Variants in SBF1 observed in about 807,000 individuals in gnomAD.
SBF1 encodes SET binding factor 1.
A neutral mutation model predicts 215.8 loss-of-function variants in SBF1; 65 were observed. That is an observed-to-expected ratio of 0.30 (90% confidence interval 0.25 to 0.37). SBF1 has a LOEUF of 0.37. SBF1 is among the 10% of genes least tolerant of loss of function. The probability of loss-of-function intolerance (pLI) is 1.00; values close to 1 mark genes in which losing one functional copy is unlikely to be tolerated. For missense variants in SBF1, 2,634 were observed against 2,667.8 expected, an observed-to-expected ratio of 0.99 and a Z score of 0.28; for synonymous variants, 1,410 against 1,122.8, an observed-to-expected ratio of 1.26 and a Z score of -5.11.
At chr22:50,453,061 T>C (rs1428594191) in intron 36 of SBF1, among the ~76,000 whole-genome samples, 2 of 151,902 alleles carry the variant, frequency 1.3e-5, no homozygotes, top group Non-Finnish European at 2.9e-5. Flanking sequence ...GCCACATCAA[T>C]AGTAACAGTA....
intron 36 of SBF1, among the ~76,000 whole-genome samples, chr22:50,451,832 T>C (rs527865045): frequency 6.6e-6 from 1 of 150,922 alleles, no homozygotes; most frequent in South Asian, 2.1e-4. Context: ...GTCTCACTCA[T>C]GTCGCCCAGG....
chr22:50,460,263 C>T lies in SBF1; in HGVS notation c.3283+9G>A, dbSNP rs758044883. On this transcript the variant is annotated intron_variant, in intron 25 of 40. Coordinates refer to ENST00000380817, the MANE Select transcript of SBF1 (RefSeq NM_002972.4). ...GAGACCACCCAGGACTCCACCCCCA[C>T]CCCTCCACCTGAGATCTCGTCCTCC... The T allele has an allele frequency of 5.6e-6, 9 of 1,601,522 alleles. No homozygotes were observed. The highest frequency in any genetic ancestry group is 6.8e-6 in the Non-Finnish European group (8 of 1,171,752).
At chr22:50,461,095 G>C (rs569772665) in intron 23 of SBF1, 64 bp downstream of exon 23, 1 of 1,527,924 alleles carries the variant, frequency 6.5e-7, no homozygotes, top group Non-Finnish European at 8.8e-7. Context: ...ATACAAGAAA[G>C]ACCGGTTTGC....
rs775736052 is a variant in SBF1, at chr22:50,456,571, T to C, written c.4007A>G (p.Asn1336Ser). The C allele has an allele frequency of 1.4e-4, 224 of 1,570,754 alleles. No homozygotes were observed. The highest frequency in any genetic ancestry group is 1.9e-4 in the Non-Finnish European group (218 of 1,159,722). The stretch of plus-strand genomic sequence containing the variant: ...GAAGCCCGGGTCGGGAGGGCCCCCG[T>C]TGGCCTGGGGTGGGGCCAGCGCGTC... ...GRDALAPPQANGGPPDPGFLR... is the reference protein window; with the variant it reads ...GRDALAPPQASGGPPDPGFLR... The change falls in exon 30 of 41, where the codon AAC (asparagine) becomes AGC (serine). Residue 1336 changes from asparagine (N) to serine (S), a missense_variant. Physicochemically the swap from Asn to Ser is conservative, Grantham distance 46. Coordinates refer to ENST00000380817, the MANE Select transcript of SBF1 (RefSeq NM_002972.4).
chr22:50,472,957 C>T (rs1039307867), intron 1 of SBF1, among the ~76,000 whole-genome samples: 6 of 152,214 alleles, frequency 3.9e-5, no homozygotes, highest in Non-Finnish European at 7.4e-5. Flanking sequence ...ATCACTCCTT[C>T]CGGTCACTTA....
chr22:50,452,830 A>ACTGC (rs1425969476), intron 36 of SBF1, among the ~76,000 whole-genome samples: 1 of 151,886 alleles, frequency 6.6e-6, no homozygotes, highest in Non-Finnish European at 1.5e-5. Flanking sequence ...ATGGACACAC[A>ACTGC]CTGCCGTAAG....
rs769707836 is a variant in SBF1 at position 50,461,542 on chromosome 22, C to G, written c.2820G>C (p.Gly940=). 1.2e-6 allele frequency: 2 copies of G among 1,603,100 alleles called. No homozygotes were observed. The highest frequency in any genetic ancestry group is 1.7e-6 in the Non-Finnish European group (2 of 1,172,714). Residue 940 remains glycine (G), a synonymous_variant, in exon 22 of 41, where the codon GGG becomes GGC. Transcript: ENST00000380817. ...FLTTYRVIFT[G]MPTDPLVGEQ... ...GCTCACCCAGGGGGTCCGTGGGCAT[C>G]CCCGTGAAGATGACCCGGTACGTGG...
intron 36 of SBF1, among the ~76,000 whole-genome samples, chr22:50,449,623 CAA>C (rs1491579812): frequency 0.033 from 3,428 of 102,444 alleles, 59 homozygotes; most frequent in Middle Eastern, 0.052. Context: ...TCAAAACACA[CAA>C]ACACACACAC....
chr22:50,466,614 G>C lies in SBF1; in HGVS notation c.646C>G (p.Arg216Gly). 6.4e-7 allele frequency: 1 copy of C among 1,551,124 alleles called. No individual in the cohort carries two copies. The highest frequency in any genetic ancestry group is 8.7e-7 in the Non-Finnish European group (1 of 1,146,622). Residue 216 changes from arginine to glycine, a missense_variant, in exon 6 of 41, where the codon CGC (arginine) becomes GGC (glycine). Transcript: ENST00000380817. The stretch of plus-strand genomic sequence containing the variant: ...GGACAGACAGGCTCACCTAGCTGGC[G>C]GAAGAGCAGGGCCACGCTGCAGCGG... ...VSRCSVALLFRQLGITNVLSL... is the reference protein window; with the variant it reads ...VSRCSVALLFGQLGITNVLSL...
Position 50,448,354 on chromosome 22 carries a change from G to A in SBF1, c.5242C>T (p.Leu1748=). The change falls in exon 38 of 41, where the codon CTG becomes TTG. Residue 1748 remains leucine, a synonymous_variant. Coordinates refer to ENST00000380817, the MANE Select transcript of SBF1 (RefSeq NM_002972.4). ...TGGTCGCTGTCCAGGCTGAGGCTCA[G>A]GGTGGAGCCCACGGGCCCCTCCTGC... ...YLQEGPVGST[L]SLSLDSDQSS... 1.9e-6 allele frequency: 3 copies of A among 1,613,904 alleles called. No individual in the cohort carries two copies. The highest frequency in any genetic ancestry group is 8.5e-7 in the Non-Finnish European group (1 of 1,180,046).
rs1437375132 is a variant in SBF1, at chr22:50,457,024, G to A, written c.3904+10C>T. ...AGGGGAGGCGGGCCTGCGCAGGCTC[G>A]GTACGGTACCTCGGGGTGCGGTCCG... On this transcript the variant is annotated intron_variant, in intron 29 of 40. Transcript: ENST00000380817. The A allele has an allele frequency of 1.1e-5, 16 of 1,422,868 alleles. No homozygotes were observed. The highest frequency in any genetic ancestry group is 1.8e-4 in the Middle Eastern group (1 of 5,502). The allele number at this position is 1,422,868 out of a possible 1,614,324, so 88.1% of individuals were successfully genotyped here.
rs1192322641 is a variant in SBF1 at position 50,465,814 on chromosome 22, A to G, written c.1038T>C (p.Ala346=). 6.2e-7 allele frequency: 1 copy of G among 1,612,238 alleles called. No individual in the cohort carries two copies. The part of the protein sequence containing the change: ...SMVLDPELEL[A]DLAFPPPTTS... ...TCGTGGGCGGAGGGAAGGCGAGGTC[A>G]GCCAACTCCAGCTCCGGGTCCAGGA... Residue 346 remains alanine, a synonymous_variant, in exon 10 of 41, where the codon GCT becomes GCC. Coordinates refer to ENST00000380817, the MANE Select transcript of SBF1 (RefSeq NM_002972.4).
chr22:50,462,776 A>T, intron 17 of SBF1, 59 bp from the exon 18 acceptor site: 1 of 1,609,026 alleles, frequency 6.2e-7, no homozygotes, highest in Non-Finnish European at 8.5e-7. Context: ...GCTGGGAAGG[A>T]GACCTCGGCC....
intron 22 of SBF1, 25 bp from the exon 23 acceptor site, chr22:50,461,311 G>T: frequency 7.6e-7 from 1 of 1,317,858 alleles, no homozygotes; most frequent in Non-Finnish European, 1.0e-6. Context: ...GGCAGAGTCA[G>T]AAGCAAGGAA....
chr22:50,469,147 C>A (rs1212816907), intron 1 of SBF1, among the ~76,000 whole-genome samples: 2 of 152,208 alleles, frequency 1.3e-5, no homozygotes, highest in African/African-American at 4.8e-5. Context: ...AGGACGACCA[C>A]CGAAGGATGC....
At position 50,461,586 on chromosome 22, in the gene SBF1, C is replaced by G; in HGVS notation, c.2776G>C (p.Glu926Gln). The G allele has an allele frequency of 6.2e-7, 1 of 1,612,094 alleles. No homozygotes were observed. Among genetic ancestry groups the G allele is most frequent in the Non-Finnish European group, 8.5e-7 (1 of 1,179,616 alleles). Reference protein sequence around the residue: ...SAGGPALLPAEGAVFLTTYRV... With the variant: ...SAGGPALLPAQGAVFLTTYRV... Reference sequence around the variant, plus strand: ...TACGTGGTGAGGAAGACGGCGCCCTCAGCTGGGAGCAATGCTGGTCCCCCA... The same window carrying G: ...TACGTGGTGAGGAAGACGGCGCCCTGAGCTGGGAGCAATGCTGGTCCCCCA... The change falls in exon 22 of 41, where the codon GAG becomes CAG. Residue 926 changes from glutamate to glutamine, a missense_variant. Glu to Gln is a conservative substitution (Grantham distance 29). Coordinates refer to ENST00000380817, the MANE Select transcript of SBF1 (RefSeq NM_002972.4).
intron 5 of SBF1, chr22:50,466,950 G>A (rs1444590026): frequency 2.0e-5 from 11 of 560,922 alleles, no homozygotes; most frequent in East Asian, 3.0e-5. Context: ...TGGGGCCTAG[G>A]TGGGCGGAAG....
In SBF1 at chr22:50,461,529, G is replaced by T. The variant is rs757639561; in HGVS notation, c.2833C>A (p.Pro945Thr). ...RVIFTGMPTD[P>T]LVGEQVVVRS... Reference sequence around the variant, plus strand: ...AGAGAGTCTGCAGGCTCACCCAGGGGGTCCGTGGGCATCCCCGTGAAGATG... The same window carrying T: ...AGAGAGTCTGCAGGCTCACCCAGGGTGTCCGTGGGCATCCCCGTGAAGATG... Residue 945 changes from proline (P) to threonine (T), a missense_variant, in exon 22 of 41, where the codon CCC (proline) becomes ACC (threonine). Pro to Thr is a conservative substitution (Grantham distance 38). Transcript: ENST00000380817. 2.5e-6 allele frequency: 4 copies of T among 1,597,840 alleles called. No individual in the cohort carries two copies. The highest frequency in any genetic ancestry group is 1.7e-4 in the Middle Eastern group (1 of 6,012).
chr22:50,460,674 G>A lies in SBF1; in HGVS notation c.3006C>T (p.Asp1002=), dbSNP rs77064034. The change falls in exon 24 of 41, where the codon GAC becomes GAT. Residue 1002 remains aspartate, a synonymous_variant. Coordinates refer to ENST00000380817, the MANE Select transcript of SBF1 (RefSeq NM_002972.4). ...KMAFDEEVGS[D]SAELFRKQLH... ...GCTGCTTACGGAAGAGCTCGGCGCT[G>A]TCAGACCCCACCTCCTCGTCAAAGG... is the stretch of plus-strand genomic sequence containing the variant. 5,462 of 1,613,832 alleles carry A rather than the reference G, an allele frequency of 3.4e-3. 165 individuals carry two copies. The African/African-American group carries it at 0.063, about 19-fold the overall frequency.
Sources: gnomAD v4.1 joint callset for allele counts (sites outside exome capture counted in the v4.1 genomes callset) on GRCh38, gnomAD v4.1.1 for gene constraint, MANE v1.5 for transcripts, NCBI Gene and HGNC (gene_info 2026-07-23, HGNC 2026-07-21) for gene names.